CTDSPL: variants seen among roughly 807,000 people sequenced by gnomAD.
CTDSPL encodes the protein CTD small phosphatase like.
A neutral mutation model predicts 30.5 loss-of-function variants in CTDSPL; 8 were observed. The observed-to-expected ratio is 0.26, with a 90% CI of 0.15 to 0.47. CTDSPL has a LOEUF of 0.47. Among genes scored for constraint, CTDSPL ranks in the 20% least tolerant of loss-of-function variants. The pLI is 0.99. For missense variants in CTDSPL, 248 were observed against 366.1 expected, an observed-to-expected ratio of 0.68 and a Z score of 2.63; for synonymous variants, 110 against 137.9, an observed-to-expected ratio of 0.80 and a Z score of 1.42.
intron 2 of CTDSPL, among the ~76,000 whole-genome samples, chr3:37,956,851 G>A (rs999515765): frequency 6.6e-6 from 1 of 152,168 alleles, no homozygotes; most frequent in Non-Finnish European, 1.5e-5. Context: ...TAAGGGAGGT[G>A]CTATTTAAAT....
chr3:37,954,258 G>T (rs1191429257), intron 2 of CTDSPL, among the ~76,000 whole-genome samples: 5 of 152,208 alleles, frequency 3.3e-5, no homozygotes, highest in African/African-American at 1.2e-4. Context: ...GTTCATTCAT[G>T]AACTTCCTTC....
chr3:37,957,088 A>ATTTTTTT, intron 2 of CTDSPL, 23 bp from the exon 3 acceptor site: 1 of 1,512,608 alleles, frequency 6.6e-7, no homozygotes, highest in African/African-American at 1.4e-5. Flanking sequence ...CCTGACAATG[A>ATTTTTTT]TTTTTTTTTT....
chr3:37,950,972 C>G (rs1227747485), intron 2 of CTDSPL, among the ~76,000 whole-genome samples: 2 of 152,098 alleles, frequency 1.3e-5, no homozygotes, highest in Non-Finnish European at 2.9e-5. Context: ...TATCATTTAT[C>G]TATTGAGATA....
At chr3:37,952,888 T>C (rs1575315154) in intron 2 of CTDSPL, among the ~76,000 whole-genome samples, 1 of 152,378 alleles carries the variant, frequency 6.6e-6, no homozygotes, top group Middle Eastern at 3.4e-3. Flanking sequence ...TTTTCACTCA[T>C]GCTACTTCTT....
chr3:37,862,141 C>A lies in CTDSPL; in HGVS notation c.-59C>A. On this transcript the variant is annotated 5_prime_UTR_variant, in exon 1 of 8. Transcript: ENST00000273179. This position sits in a 1 kb window ranked among gnomAD's most constrained non-coding sequence, Gnocchi z 4.3. Reference sequence around the variant, plus strand: ...CGCCCCCGCGCCCCCCGCGCCGCGCCCCCGCGCGCTTGGCTTGCGGGGGGC... The same window carrying A: ...CGCCCCCGCGCCCCCCGCGCCGCGCACCCGCGCGCTTGGCTTGCGGGGGGC... 2 of 896,628 alleles carry A rather than the reference C, an allele frequency of 2.2e-6. No homozygotes were observed. Among genetic ancestry groups the A allele is most frequent in the Non-Finnish European group, 2.7e-6 (2 of 752,878 alleles). The allele number at this position is 896,628 out of a possible 1,614,324, so 55.5% of individuals were successfully genotyped here.
intron 1 of CTDSPL, among the ~76,000 whole-genome samples, chr3:37,915,659 C>T (rs1025602164): frequency 2.6e-5 from 4 of 152,102 alleles, no homozygotes; most frequent in Non-Finnish European, 5.9e-5. Flanking sequence ...CTCTGAGAAA[C>T]TTCAATTTTA....
chr3:37,939,285 G>A (rs993997659), intron 1 of CTDSPL, among the ~76,000 whole-genome samples: 1 of 150,290 alleles, frequency 6.7e-6, no homozygotes, highest in African/African-American at 2.4e-5. Context: ...GTCCTGTGGG[G>A]TAGGGATTAT....
intron 1 of CTDSPL, among the ~76,000 whole-genome samples, chr3:37,885,526 G>T (rs1223655276): frequency 6.6e-6 from 1 of 152,152 alleles, no homozygotes; most frequent in Non-Finnish European, 1.5e-5. Flanking sequence ...TAGTGTCGTG[G>T]TGTGAGCTAC....
chr3:37,868,698 A>T (rs1698040128), intron 1 of CTDSPL, among the ~76,000 whole-genome samples: 1 of 152,034 alleles, frequency 6.6e-6, no homozygotes. Context: ...CATCTTTGTC[A>T]AAAATTAGTT....
intron 3 of CTDSPL, among the ~76,000 whole-genome samples, chr3:37,960,928 A>G (rs925091115): frequency 3.3e-5 from 5 of 152,172 alleles, no homozygotes; most frequent in Admixed American, 6.5e-5. Flanking sequence ...TGTATGATAT[A>G]TCTTTTGGCC....
chr3:37,879,658 A>C (rs1698179343), intron 1 of CTDSPL, among the ~76,000 whole-genome samples: 1 of 152,154 alleles, frequency 6.6e-6, no homozygotes, highest in Non-Finnish European at 1.5e-5. Context: ...GATCCCCTCA[A>C]GTGTCACCTT....
At chr3:37,890,181 A>G (rs1241857106) in intron 1 of CTDSPL, among the ~76,000 whole-genome samples, 7 of 152,232 alleles carry the variant, frequency 4.6e-5, no homozygotes, top group Non-Finnish European at 8.8e-5. Flanking sequence ...ATGCATGCAC[A>G]CTCAACGTAT....
At chr3:37,920,934 G>C (rs551477659) in intron 1 of CTDSPL, among the ~76,000 whole-genome samples, 21 of 152,274 alleles carry the variant, frequency 1.4e-4, no homozygotes, top group Admixed American at 1.2e-3. Flanking sequence ...GTACTCCTCA[G>C]CCCTATGGGC....
intron 5 of CTDSPL, chr3:37,968,379 T>A (rs1419314643): frequency 2.9e-6 from 1 of 346,438 alleles, no homozygotes; most frequent in Non-Finnish European, 5.8e-6. Context: ...GGGGGAAGGG[T>A]GTGAGTTTTC....
Position 37,947,149 on chromosome 3 carries a change from C to T in CTDSPL, c.172C>T (p.Pro58Ser), listed in dbSNP as rs1575312317. Residue 58 changes from proline to serine, a missense_variant, in exon 2 of 8, where the codon CCT (proline) becomes TCT (serine). Pro to Ser is a moderately conservative substitution (Grantham distance 74, BLOSUM62 -1). Transcript: ENST00000273179. Reference sequence around the variant, plus strand: ...CTTCCGTGATTACAATGTGGAGGCCCCTCCACCCAGCAGCCCCAGTGTGCT... The same window carrying T: ...CTTCCGTGATTACAATGTGGAGGCCTCTCCACCCAGCAGCCCCAGTGTGCT... ...CCFRDYNVEA[P>S]PPSSPSVLPP... 3 of 1,613,168 alleles carry T rather than the reference C, an allele frequency of 1.9e-6. No homozygotes were observed. Among genetic ancestry groups the T allele is most frequent in the Non-Finnish European group, 2.5e-6 (3 of 1,179,974 alleles).
chr3:37,869,419 A>C (rs1698048485), intron 1 of CTDSPL, among the ~76,000 whole-genome samples: 1 of 152,064 alleles, frequency 6.6e-6, no homozygotes, highest in Non-Finnish European at 1.5e-5. Flanking sequence ...CCACGTGTTC[A>C]GTGCTAACAT....
intron 1 of CTDSPL, among the ~76,000 whole-genome samples, chr3:37,890,705 CT>C (rs1460027379): frequency 1.3e-5 from 2 of 152,172 alleles, no homozygotes; most frequent in African/African-American, 4.8e-5. Flanking sequence ...CAGATCCAGG[CT>C]CCGTGCTCTG....
At chr3:37,929,717 C>T (rs1020567208) in intron 1 of CTDSPL, among the ~76,000 whole-genome samples, 6 of 152,220 alleles carry the variant, frequency 3.9e-5, no homozygotes, top group Non-Finnish European at 7.4e-5. Context: ...AAGATCATGT[C>T]GCTGTGATAT....
chr3:37,979,219 T>G (rs1699461748), intron 7 of CTDSPL, among the ~76,000 whole-genome samples: 1 of 151,724 alleles, frequency 6.6e-6, no homozygotes. Flanking sequence ...TCCCAGCACT[T>G]TGGGAGGCTG....
Sources: allele counts gnomAD v4.1 joint callset (sites outside exome capture counted in the v4.1 genomes callset), GRCh38; gene constraint gnomAD v4.1.1; non-coding constraint Gnocchi (gnomAD v3.1); transcripts MANE v1.5; gene names NCBI Gene and HGNC (gene_info 2026-07-23, HGNC 2026-07-21).